Variants in NRXN1 observed in about 807,000 individuals in gnomAD.
NRXN1 encodes neurexin-1.
Under a neutral mutation model 150.9 loss-of-function variants are expected in NRXN1, and 39 were observed. The ratio of observed to expected loss-of-function variants is 0.26; its 90% CI spans 0.20 to 0.34. NRXN1 has a LOEUF of 0.34. Among genes scored for constraint, NRXN1 ranks in the 10% least tolerant of loss-of-function variants. The pLI is 1.00. For missense variants in NRXN1, 1,815 were observed against 1,949.9 expected (o/e 0.93, Z 1.30); for synonymous variants, 924 against 757.0 (o/e 1.22, Z -3.62).
At chr2:50,275,875 G>C (rs2070373675) in intron 17 of NRXN1, among the ~76,000 whole-genome samples, 1 of 151,406 alleles carries the variant, frequency 6.6e-6, no homozygotes. Flanking sequence ...TATAACTATA[G>C]TGTCAAAAGC....
chr2:50,921,753 T>A, intron 5 of NRXN1, 116 bp downstream of exon 5: 4 of 421,642 alleles, frequency 9.5e-6, no homozygotes. Context: ...TATTAACACA[T>A]ATACCTACCT....
At chr2:50,070,890 G>C (rs1416611348) in intron 19 of NRXN1, among the ~76,000 whole-genome samples, 1 of 151,790 alleles carries the variant, frequency 6.6e-6, no homozygotes, top group African/African-American at 2.4e-5. Context: ...ATAGTTCATT[G>C]CATAAAATAT....
At position 51,027,556 on chromosome 2, in the gene NRXN1, G is replaced by C; in HGVS notation, c.718C>G (p.Gln240Glu). The change falls in exon 2 of 23, where the codon CAG becomes GAG. Residue 240 changes from glutamine (Q) to glutamate (E), a missense_variant. Around this residue, in one of 6 missense-constraint regions of NRXN1, gnomAD observed 554 missense variants for 478.8 expected, o/e 1.16. Transcript: ENST00000401669. ...NGGVCSVVDD[Q>E]AVCDCSRTGF... ...GTTCGCGAGCAGTCGCACACGGCCTGGTCGTCCACCACGGAGCACACACCT... is the reference window on the plus strand; with the variant it reads ...GTTCGCGAGCAGTCGCACACGGCCTCGTCGTCCACCACGGAGCACACACCT... 1 of 1,594,544 alleles carries C rather than the reference G, an allele frequency of 6.3e-7. No individual in the cohort carries two copies. Among genetic ancestry groups the C allele is most frequent in the Non-Finnish European group, 8.6e-7 (1 of 1,166,844 alleles).
chr2:49,957,922 C>T (rs1035457882), intron 21 of NRXN1, among the ~76,000 whole-genome samples: 18 of 152,132 alleles, frequency 1.2e-4, no homozygotes, highest in Non-Finnish European at 2.1e-4. Context: ...AAAATAACAG[C>T]GGGAATAATT....
chr2:50,389,033 T>C (rs1398813067), intron 17 of NRXN1, among the ~76,000 whole-genome samples: 1 of 151,940 alleles, frequency 6.6e-6, no homozygotes, highest in Non-Finnish European at 1.5e-5. Context: ...CCAGGTGTGG[T>C]GGTGTGCACC....
intron 5 of NRXN1, among the ~76,000 whole-genome samples, chr2:50,784,975 G>T (rs1001458236): frequency 6.6e-6 from 1 of 152,054 alleles, no homozygotes; most frequent in Non-Finnish European, 1.5e-5. Flanking sequence ...CTCCCAATGT[G>T]ACTGTTTTTG....
chr2:50,533,683 C>G (rs940526991), intron 10 of NRXN1, among the ~76,000 whole-genome samples: 9 of 152,120 alleles, frequency 5.9e-5, no homozygotes, highest in African/African-American at 2.2e-4. Flanking sequence ...TGACCCTGGC[C>G]CCAGTCCATC....
At chr2:50,498,786 G>A (rs2091785762) in intron 13 of NRXN1, among the ~76,000 whole-genome samples, 1 of 152,166 alleles carries the variant, frequency 6.6e-6, no homozygotes, top group Non-Finnish European at 1.5e-5. Flanking sequence ...TCTTGCTCTT[G>A]TCTAAATAAA....
intron 5 of NRXN1, among the ~76,000 whole-genome samples, chr2:50,677,716 T>G (rs1689758113): frequency 6.6e-6 from 1 of 152,140 alleles, no homozygotes; most frequent in Non-Finnish European, 1.5e-5. Context: ...CATGACAATT[T>G]TCATTAAAGA....
intron 12 of NRXN1, among the ~76,000 whole-genome samples, chr2:50,518,934 C>T (rs2092703073): frequency 1.3e-5 from 2 of 151,682 alleles, no homozygotes; most frequent in African/African-American, 4.8e-5. Context: ...AAGTTTCTGC[C>T]TTTATTAAGT....
intron 8 of NRXN1, 87 bp from the exon 9 acceptor site, chr2:50,553,112 T>A (rs940120856): frequency 1.1e-6 from 1 of 943,394 alleles, no homozygotes; most frequent in Non-Finnish European, 1.6e-6. Context: ...TTCAACGACA[T>A]CATAAAAAGG....
intron 15 of NRXN1, among the ~76,000 whole-genome samples, chr2:50,489,357 A>G (rs766587661): frequency 5.9e-5 from 9 of 152,136 alleles, no homozygotes; most frequent in Non-Finnish European, 8.8e-5. Context: ...ACCAATCTCC[A>G]TCTTGGGCCT....
At chr2:50,938,522 C>T (rs1019966387) in intron 2 of NRXN1, among the ~76,000 whole-genome samples, 1 of 152,162 alleles carries the variant, frequency 6.6e-6, no homozygotes, top group African/African-American at 2.4e-5. Flanking sequence ...TACCCAGTTC[C>T]AAAGTTTCTT....
intron 17 of NRXN1, among the ~76,000 whole-genome samples, chr2:50,454,664 TCA>T (rs3052512): frequency 0.095 from 13,311 of 140,504 alleles, 1,343 homozygotes; most frequent in African/African-American, 0.26. Context: ...TGGGCAAAGA[TCA>T]CACACACACA....
At chr2:51,025,431 T>C (rs1373521639) in intron 2 of NRXN1, among the ~76,000 whole-genome samples, 1 of 152,206 alleles carries the variant, frequency 6.6e-6, no homozygotes, top group Non-Finnish European at 1.5e-5. Flanking sequence ...TTCCTGATTA[T>C]GCATGATCTC....
At chr2:50,884,220 T>A (rs1470999876) in intron 5 of NRXN1, among the ~76,000 whole-genome samples, 1 of 151,834 alleles carries the variant, frequency 6.6e-6, no homozygotes, top group Non-Finnish European at 1.5e-5. Flanking sequence ...GAGACTCCTA[T>A]CTTATCATTA....
At chr2:50,972,414 A>C (rs13008752) in intron 2 of NRXN1, among the ~76,000 whole-genome samples, 1 of 152,002 alleles carries the variant, frequency 6.6e-6, no homozygotes, top group East Asian at 1.9e-4. Flanking sequence ...CCACATAGAG[A>C]CACAGTGACT....
intron 17 of NRXN1, among the ~76,000 whole-genome samples, chr2:50,401,409 T>C (rs2082382620): frequency 6.6e-6 from 1 of 152,116 alleles, no homozygotes; most frequent in Non-Finnish European, 1.5e-5. Flanking sequence ...AGCAGACATG[T>C]GTCCTTTGGC....
At chr2:50,563,148 T>C (rs2105406596) in intron 8 of NRXN1, among the ~76,000 whole-genome samples, 2 of 152,324 alleles carry the variant, frequency 1.3e-5, no homozygotes, top group Admixed American at 1.3e-4. Flanking sequence ...ACATCACAAG[T>C]TGCTTTGATC....
Sources: gnomAD v4.1 joint callset for allele counts (sites outside exome capture counted in the v4.1 genomes callset) on GRCh38, gnomAD v4.1.1 for gene constraint, gnomAD v4.1.1 regional missense constraint, MANE v1.5 for transcripts, NCBI Gene and HGNC (gene_info 2026-07-23, HGNC 2026-07-21) for gene names.